HDAC9: variants seen among roughly 807,000 people sequenced by gnomAD.
HDAC9 encodes the protein histone deacetylase 9.
HDAC9 carries 41 observed loss-of-function variants against 139.4 expected under a neutral mutation model. The observed-to-expected ratio is 0.29, with a 90% CI of 0.23 to 0.38. The LOEUF (loss-of-function observed/expected upper bound fraction) is 0.38. HDAC9 is among the 10% of genes least tolerant of loss of function. The pLI, the probability that HDAC9 is intolerant of heterozygous loss-of-function variation, is 1.00. For synonymous variants in HDAC9, 517 were observed against 476.2 expected, an observed-to-expected ratio of 1.09 and a Z score of -1.12; for missense variants, 1,147 against 1,297.0, an observed-to-expected ratio of 0.88 and a Z score of 1.78.
chr7:18,672,838 A>G (rs1211312571), intron 12 of HDAC9, among the ~76,000 whole-genome samples: 1 of 151,982 alleles, frequency 6.6e-6, no homozygotes, highest in Non-Finnish European at 1.5e-5. Context: ...TTTCCTTATT[A>G]TATGAGTTGA....
At chr7:18,261,639 G>C (rs1795686024) in intron 2 of HDAC9, among the ~76,000 whole-genome samples, 1 of 152,200 alleles carries the variant, frequency 6.6e-6, no homozygotes, top group Non-Finnish European at 1.5e-5. Flanking sequence ...AAAGGTTTGA[G>C]GCTTATGCAG....
chr7:18,458,422 A>G (rs1586051406), intron 1 of HDAC9, among the ~76,000 whole-genome samples: 1 of 152,322 alleles, frequency 6.6e-6, no homozygotes, highest in East Asian at 1.9e-4. Flanking sequence ...CTATACCAAT[A>G]AATATAGAAT....
At chr7:18,932,699 A>G (rs539012596) in intron 22 of HDAC9, among the ~76,000 whole-genome samples, 5 of 152,120 alleles carry the variant, frequency 3.3e-5, no homozygotes, top group Non-Finnish European at 5.9e-5. Context: ...ACTCCTAAAT[A>G]AAACATCATA....
At chr7:18,866,303 T>C (rs1798491822) in intron 21 of HDAC9, among the ~76,000 whole-genome samples, 1 of 152,022 alleles carries the variant, frequency 6.6e-6, no homozygotes, top group Non-Finnish European at 1.5e-5. Flanking sequence ...CTGTACAATT[T>C]GTTTTTCACC....
At chr7:18,158,643 C>A (rs191351083) in intron 1 of HDAC9, among the ~76,000 whole-genome samples, 1 of 152,152 alleles carries the variant, frequency 6.6e-6, no homozygotes, top group Admixed American at 6.6e-5. Flanking sequence ...CGGTATAACC[C>A]AAAGGGCTGT....
chr7:18,732,731 G>GTGTATGTGTGCGTATGTGTACACACACA (rs1786273374), intron 13 of HDAC9, among the ~76,000 whole-genome samples: 1 of 100,692 alleles, frequency 9.9e-6, no homozygotes, highest in Non-Finnish European at 1.9e-5. Flanking sequence ...ACACACACAC[G>GTGTATGTGTGCGTATGTGTACACACACA]TGTATGTGTG....
chr7:18,709,664 A>G (rs1290196586), intron 12 of HDAC9, among the ~76,000 whole-genome samples: 1 of 152,224 alleles, frequency 6.6e-6, no homozygotes, highest in Non-Finnish European at 1.5e-5. Flanking sequence ...TTGACTGTGA[A>G]TAAACCAGAC....
intron 22 of HDAC9, among the ~76,000 whole-genome samples, chr7:18,920,024 T>A (rs184315411): frequency 8.2e-4 from 125 of 152,270 alleles, no homozygotes; most frequent in African/African-American, 2.9e-3. Flanking sequence ...TTTTTTCCAA[T>A]TCTGTGAAGA....
At chr7:18,814,429 A>G (rs1012846727) in intron 17 of HDAC9, among the ~76,000 whole-genome samples, 2 of 152,254 alleles carry the variant, frequency 1.3e-5, no homozygotes, top group East Asian at 1.9e-4. Context: ...TATATTGCGG[A>G]TGTTCCTTGC....
chr7:18,187,076 T>G (rs905197274), intron 2 of HDAC9, among the ~76,000 whole-genome samples: 1 of 152,252 alleles, frequency 6.6e-6, no homozygotes. Context: ...CATAGAATTA[T>G]AGCAGTAATA....
intron 2 of HDAC9, among the ~76,000 whole-genome samples, chr7:18,542,581 A>G (rs1285923135): frequency 6.6e-6 from 1 of 152,216 alleles, no homozygotes; most frequent in African/African-American, 2.4e-5. Context: ...AAGTGACAGT[A>G]AATACATGCA....
intron 2 of HDAC9, among the ~76,000 whole-genome samples, chr7:18,224,075 G>A (rs1431804197): frequency 1.3e-5 from 2 of 152,142 alleles, no homozygotes; most frequent in Non-Finnish European, 2.9e-5. Context: ...TTTGGGGCAT[G>A]CTATTGTAGG....
chr7:18,225,772 T>C (rs2128179350), intron 2 of HDAC9, among the ~76,000 whole-genome samples: 1 of 152,270 alleles, frequency 6.6e-6, no homozygotes, highest in East Asian at 1.9e-4. Flanking sequence ...TACAGTTTCA[T>C]TTTATCAAAG....
At chr7:18,374,458 C>T (rs1784836907) in intron 1 of HDAC9, among the ~76,000 whole-genome samples, 1 of 151,962 alleles carries the variant, frequency 6.6e-6, no homozygotes, top group Admixed American at 6.6e-5. Flanking sequence ...ATGGTATAGT[C>T]TGTTGCTCCT....
intron 2 of HDAC9, among the ~76,000 whole-genome samples, chr7:18,538,443 T>C (rs1311188800): frequency 3.3e-5 from 5 of 152,314 alleles, no homozygotes; most frequent in African/African-American, 1.2e-4. Context: ...TTGTGGTAGA[T>C]GAAAGGACAG....
chr7:18,742,457 A>T (rs1038087666), intron 13 of HDAC9, among the ~76,000 whole-genome samples: 1 of 152,212 alleles, frequency 6.6e-6, no homozygotes, highest in Non-Finnish European at 1.5e-5. Flanking sequence ...CAATGATTCC[A>T]CACTTCATAG....
At chr7:18,528,565 TA>T (rs913753799) in intron 2 of HDAC9, among the ~76,000 whole-genome samples, 10 of 152,234 alleles carry the variant, frequency 6.6e-5, no homozygotes, top group Non-Finnish European at 1.2e-4. Context: ...TTCAGGGCAT[TA>T]AAAATTACTT....
chr7:18,674,679 A>G (rs1781389286), intron 12 of HDAC9, among the ~76,000 whole-genome samples: 1 of 152,004 alleles, frequency 6.6e-6, no homozygotes, highest in African/African-American at 2.4e-5. Context: ...AAATGGTTAA[A>G]GGCATTTTCT....
At chr7:18,423,918 T>C (rs975235970) in intron 1 of HDAC9, among the ~76,000 whole-genome samples, 2 of 152,186 alleles carry the variant, frequency 1.3e-5, no homozygotes, top group African/African-American at 4.8e-5. Context: ...TTCACATTTA[T>C]AAGGAGGGAA....
Sources: allele counts gnomAD v4.1 joint callset (sites outside exome capture counted in the v4.1 genomes callset), GRCh38; gene constraint gnomAD v4.1.1; transcripts MANE v1.5; gene names NCBI Gene and HGNC (gene_info 2026-07-23, HGNC 2026-07-21).